The following NFIB variants were observed in gnomAD, a reference collection of about 807,000 sequenced individuals.
NFIB encodes the protein nuclear factor 1 B-type.
In NFIB, 11 loss-of-function variants were observed where a neutral mutation model predicts 61.5. The ratio of observed to expected loss-of-function variants is 0.18; its 90% CI spans 0.11 to 0.30. The LOEUF is 0.30. NFIB is among the 10% of genes least tolerant of loss of function. The pLI is 1.00. For missense variants in NFIB, 471 were observed against 608.9 expected, an observed-to-expected ratio of 0.77 and a Z score of 2.38; for synonymous variants, 260 against 216.5, an observed-to-expected ratio of 1.20 and a Z score of -1.76.
the NFIB span, among the ~76,000 whole-genome samples, chr9:14,427,948 T>TTTGTTTTTG: frequency 9.6e-6 from 1 of 104,034 alleles, no homozygotes; most frequent in Non-Finnish European, 2.0e-5. Context: ...TTTTTTTTTT[T>TTTGTTTTTG]TTTTTTTTTT....
At chr9:14,435,213 T>C in the NFIB span, among the ~76,000 whole-genome samples, 2 of 152,172 alleles carry the variant, frequency 1.3e-5, no homozygotes, top group African/African-American at 4.8e-5. Context: ...CTGGTGAAAG[T>C]TCACCTGTGG....
intron 2 of NFIB, among the ~76,000 whole-genome samples, chr9:14,187,320 C>G (rs2047488844): frequency 6.6e-6 from 1 of 152,132 alleles, no homozygotes; most frequent in East Asian, 1.9e-4. Context: ...AATTAGACCT[C>G]TCTGAATATT....
At chr9:14,467,237 C>T in the NFIB span, among the ~76,000 whole-genome samples, 2 of 152,142 alleles carry the variant, frequency 1.3e-5, no homozygotes, top group African/African-American at 4.8e-5. Context: ...CTATTCCGTG[C>T]TAAAGAGAAC....
the NFIB span, among the ~76,000 whole-genome samples, chr9:14,468,390 G>A: frequency 5.9e-5 from 9 of 152,204 alleles, no homozygotes; most frequent in Admixed American, 5.9e-4. Flanking sequence ...GAAGGGGAAG[G>A]GGGTCATTTC....
chr9:14,353,676 T>C (rs2061140984), intron 1 of NFIB, among the ~76,000 whole-genome samples: 4 of 152,088 alleles, frequency 2.6e-5, no homozygotes, highest in Admixed American at 2.6e-4. Flanking sequence ...TGGCCGCCGA[T>C]GCCTGCGAGC....
rs142607662 is a variant in NFIB, at chr9:14,303,274, C to T, written c.562+3715G>A. Among the ~76,000 whole-genome samples the T allele has an allele frequency of 2.4e-4, 36 of 152,292 alleles. No homozygotes were observed. In the East Asian group the frequency reaches 6.7e-3, roughly 29 times the overall value. On this transcript the variant is annotated intron_variant, in intron 2 of 10. Transcript: ENST00000380953. ...CAGTCATAATGAATGCATCACATAT[C>T]ATTACGTTAGGTTTGTCCTCCACAC...
chr9:14,274,569 TC>T (rs1347100589), intron 2 of NFIB, among the ~76,000 whole-genome samples: 1 of 152,186 alleles, frequency 6.6e-6, no homozygotes. Context: ...TCTTCACTCT[TC>T]CCCTTTTAGA....
chr9:14,229,221 A>G (rs932971443), intron 2 of NFIB, among the ~76,000 whole-genome samples: 3 of 152,200 alleles, frequency 2.0e-5, no homozygotes, highest in East Asian at 3.9e-4. Flanking sequence ...TCGGAACTCA[A>G]TGAATTCTAT....
chr9:14,157,312 C>T (rs1326264675), intron 3 of NFIB, among the ~76,000 whole-genome samples: 2 of 152,208 alleles, frequency 1.3e-5, no homozygotes, highest in Admixed American at 6.5e-5. Flanking sequence ...TGCTTTTCAA[C>T]CATACATAGC....
At chr9:14,434,897 G>A in the NFIB span, among the ~76,000 whole-genome samples, 1 of 152,198 alleles carries the variant, frequency 6.6e-6, no homozygotes, top group African/African-American at 2.4e-5. Context: ...AACAGCTGGA[G>A]CTAGCTGGCA....
At chr9:14,373,115 G>A (rs1447387772) in intron 1 of NFIB, among the ~76,000 whole-genome samples, 1 of 152,134 alleles carries the variant, frequency 6.6e-6, no homozygotes, top group Non-Finnish European at 1.5e-5. Flanking sequence ...GAAGCAAAGG[G>A]AACACTGGAG....
At chr9:14,299,563 A>G (rs1386042912) in intron 2 of NFIB, among the ~76,000 whole-genome samples, 1 of 152,216 alleles carries the variant, frequency 6.6e-6, no homozygotes, top group Non-Finnish European at 1.5e-5. Flanking sequence ...TCCATTTTCA[A>G]CTGGTTTATG....
chr9:14,181,021 C>G (rs1227772948), intron 2 of NFIB, among the ~76,000 whole-genome samples: 1 of 152,194 alleles, frequency 6.6e-6, no homozygotes, highest in Non-Finnish European at 1.5e-5. Context: ...TTTGGTTAAG[C>G]AGGAAAATCA....
At chr9:14,461,354 A>C in the NFIB span, among the ~76,000 whole-genome samples, 1 of 152,244 alleles carries the variant, frequency 6.6e-6, no homozygotes, top group Non-Finnish European at 1.5e-5. Flanking sequence ...AAATAATCCA[A>C]AAGAAAAGTA....
In NFIB at chr9:14,307,332, T is replaced by C. The variant is rs756139182; in HGVS notation, c.219A>G (p.Ala73=). The C allele has an allele frequency of 1.9e-6, 3 of 1,614,084 alleles. No individual in the cohort carries two copies. Among genetic ancestry groups the C allele is most frequent in the Non-Finnish European group, 2.5e-6 (3 of 1,179,992 alleles). The change falls in exon 2 of 11, where the codon GCA becomes GCG. Residue 73 remains alanine, a synonymous_variant. Transcript: ENST00000380953. This position sits in a 1 kb window ranked among gnomAD's most constrained non-coding sequence, Gnocchi z 5.3. ...TGCGCAGTTTGGCAAGGAGCCTGGA[T>C]GCCCACTTCTGTTTGATTTCAGGCT... is the stretch of plus-strand genomic sequence containing the variant. ...SEKPEIKQKW[A]SRLLAKLRKD...
At chr9:14,191,024 C>T (rs2047889566) in intron 2 of NFIB, among the ~76,000 whole-genome samples, 1 of 152,100 alleles carries the variant, frequency 6.6e-6, no homozygotes, top group Non-Finnish European at 1.5e-5. Flanking sequence ...GAAATTCCAT[C>T]TCTACTAAAA....
intron 1 of NFIB, among the ~76,000 whole-genome samples, chr9:14,369,133 G>A (rs2061331616): frequency 6.6e-6 from 1 of 152,120 alleles, no homozygotes; most frequent in Admixed American, 6.6e-5. Flanking sequence ...CCAGAATAAT[G>A]TCTGCCTCAA....
At chr9:14,364,066 A>G (rs1280892785) in intron 1 of NFIB, among the ~76,000 whole-genome samples, 3 of 152,168 alleles carry the variant, frequency 2.0e-5, no homozygotes, top group African/African-American at 4.8e-5. Flanking sequence ...TCTACAGTGA[A>G]TTCCCAGGAG....
chr9:14,492,509 A>G, the NFIB span, among the ~76,000 whole-genome samples: 10,937 of 152,182 alleles, frequency 0.072, 537 homozygotes, highest in Middle Eastern at 0.17. Context: ...GGCCTCAGGA[A>G]AACTTACAAT....
Sources: allele counts gnomAD v4.1 joint callset (sites outside exome capture counted in the v4.1 genomes callset), GRCh38; gene constraint gnomAD v4.1.1; non-coding constraint Gnocchi (gnomAD v3.1); transcripts MANE v1.5; gene names NCBI Gene and HGNC (gene_info 2026-07-23, HGNC 2026-07-21).